MGAT4C: variants seen among roughly 807,000 people sequenced by gnomAD.
The protein encoded by MGAT4C is MGAT4 family member C.
Under a neutral mutation model 40.1 loss-of-function variants are expected in MGAT4C, and 19 were observed. That is an observed-to-expected ratio of 0.47 (90% CI 0.33 to 0.70). MGAT4C has a LOEUF of 0.70. MGAT4C is among the 30% of genes least tolerant of loss of function. The probability of loss-of-function intolerance (pLI) is 0.02; values close to 1 mark genes in which losing one functional copy is unlikely to be tolerated. For missense variants in MGAT4C, 491 were observed against 563.2 expected, an observed-to-expected ratio of 0.87 and a Z score of 1.30; for synonymous variants, 181 against 187.1, an observed-to-expected ratio of 0.97 and a Z score of 0.27.
chr12:86,299,065 T>C (rs2136137317), intron 4 of MGAT4C, among the ~76,000 whole-genome samples: 1 of 152,300 alleles, frequency 6.6e-6, no homozygotes, highest in Non-Finnish European at 1.5e-5. Flanking sequence ...GGAGTATAGT[T>C]AAAGAATCAG....
chr12:86,818,448 T>C (rs1051231992), intron 1 of MGAT4C, among the ~76,000 whole-genome samples: 1 of 151,140 alleles, frequency 6.6e-6, no homozygotes, highest in Non-Finnish European at 1.5e-5. Context: ...GATAAGGTAA[T>C]AGAAAATCAG....
chr12:86,211,406 CAAAA>C (rs58874795), intron 1 of MGAT4C, among the ~76,000 whole-genome samples: 4 of 35,514 alleles, frequency 1.1e-4, no homozygotes, highest in Admixed American at 4.3e-4. Flanking sequence ...ACTACAAATA[CAAAA>C]AAAAAAAAAA....
chr12:86,663,353 C>CA (rs58562873), intron 2 of MGAT4C, among the ~76,000 whole-genome samples: 3,129 of 44,272 alleles, frequency 0.071, 184 homozygotes, highest in African/African-American at 0.16. Flanking sequence ...TCCTCTGTCT[C>CA]AAAAAAAAAA....
chr12:86,521,826 G>A (rs1958800155), intron 2 of MGAT4C, among the ~76,000 whole-genome samples: 1 of 151,914 alleles, frequency 6.6e-6, no homozygotes, highest in Non-Finnish European at 1.5e-5. Flanking sequence ...CACCTCCTTG[G>A]TTAGCTGTAT....
At chr12:86,420,651 C>T (rs1040474648) in intron 3 of MGAT4C, among the ~76,000 whole-genome samples, 7 of 151,768 alleles carry the variant, frequency 4.6e-5, no homozygotes, top group African/African-American at 1.7e-4. Context: ...TGTATAACAA[C>T]TTGCATTCCA....
rs566905123 is a variant in MGAT4C, at chr12:86,039,309, A to T, written c.-7+10365T>A. On this transcript the variant is annotated intron_variant, in intron 2 of 4. Transcript: ENST00000611864. ...AGTTCTCCTGGATAATATCCTGAAG[A>T]GTGTTTTCCAACTGGGTTCCATTCT... Among the ~76,000 whole-genome samples, 21 of 152,230 alleles carry T rather than the reference A, an allele frequency of 1.4e-4. No individual in the cohort carries two copies. In the South Asian group the frequency reaches 4.3e-3, roughly 32 times the overall value.
At chr12:86,259,186 G>A (rs1321722653), upstream of MGAT4C, among the ~76,000 whole-genome samples, 1 of 151,798 alleles carries the variant, frequency 6.6e-6, no homozygotes, top group Non-Finnish European at 1.5e-5. Flanking sequence ...AAATTTTTTT[G>A]TGATTTTTTA....
intron 2 of MGAT4C, among the ~76,000 whole-genome samples, chr12:86,699,421 C>T (rs942665980): frequency 3.3e-5 from 5 of 152,018 alleles, no homozygotes; most frequent in African/African-American, 1.2e-4. Flanking sequence ...TGATGATAAA[C>T]CGATACATAA....
chr12:86,405,198 A>C (rs1956440185), intron 3 of MGAT4C, among the ~76,000 whole-genome samples: 1 of 152,052 alleles, frequency 6.6e-6, no homozygotes, highest in African/African-American at 2.4e-5. Flanking sequence ...AAATTAAGGG[A>C]GAAATAAAAC....
chr12:86,379,830 T>C (rs1955896351), intron 3 of MGAT4C, among the ~76,000 whole-genome samples: 1 of 152,102 alleles, frequency 6.6e-6, no homozygotes, highest in South Asian at 2.1e-4. Context: ...AATCCAAAAT[T>C]TTGTTTTATC....
chr12:86,435,957 T>C (rs1252525762), intron 2 of MGAT4C, among the ~76,000 whole-genome samples: 1 of 151,918 alleles, frequency 6.6e-6, no homozygotes, highest in East Asian at 1.9e-4. Context: ...CATATTCTTG[T>C]TATCAAATGA....
intron 2 of MGAT4C, among the ~76,000 whole-genome samples, chr12:86,653,682 T>C (rs1333430006): frequency 6.6e-6 from 1 of 151,958 alleles, no homozygotes; most frequent in Non-Finnish European, 1.5e-5. Context: ...ATAGTAATAC[T>C]TAGAAATCAT....
chr12:86,267,401 G>A (rs779181887), intron 4 of MGAT4C, among the ~76,000 whole-genome samples: 6 of 152,022 alleles, frequency 3.9e-5, no homozygotes, highest in Non-Finnish European at 8.8e-5. Context: ...GAAGACACCT[G>A]AAATTATACA....
chr12:86,618,613 G>A (rs909868581), intron 2 of MGAT4C, among the ~76,000 whole-genome samples: 2 of 152,140 alleles, frequency 1.3e-5, no homozygotes, highest in Non-Finnish European at 2.9e-5. Flanking sequence ...TCATACATGA[G>A]AGTTAAAAAA....
chr12:86,385,839 C>T (rs1457010613), intron 3 of MGAT4C, among the ~76,000 whole-genome samples: 1 of 152,208 alleles, frequency 6.6e-6, no homozygotes, highest in Admixed American at 6.5e-5. Flanking sequence ...TGTCTTCCAG[C>T]TGTGACTAAG....
At chr12:86,502,917 TCA>T (rs1491344827) in intron 2 of MGAT4C, among the ~76,000 whole-genome samples, 1 of 8,632 alleles carries the variant, frequency 1.2e-4, no homozygotes, top group African/African-American at 3.7e-4. Flanking sequence ...TGAGTTCTGC[TCA>T]TATATATATA....
At chr12:86,442,292 G>C (rs1370678433) in intron 2 of MGAT4C, among the ~76,000 whole-genome samples, 1 of 152,090 alleles carries the variant, frequency 6.6e-6, no homozygotes, top group East Asian at 1.9e-4. Flanking sequence ...CATTCTGTAG[G>C]TTGCCTGTTC....
intron 1 of MGAT4C, among the ~76,000 whole-genome samples, chr12:86,166,889 A>C (rs1886252859): frequency 6.6e-6 from 1 of 152,194 alleles, no homozygotes; most frequent in Non-Finnish European, 1.5e-5. Flanking sequence ...AACACGATAA[A>C]GTAAAAGACA....
chr12:86,360,499 G>A lies in MGAT4C; in HGVS notation c.-119-26372C>T, dbSNP rs184492549. Among the ~76,000 whole-genome samples the A allele has an allele frequency of 4.8e-4, 73 of 152,260 alleles. No homozygotes were observed. In the East Asian group the frequency reaches 5.8e-3, roughly 12 times the overall value. On this transcript the variant is annotated intron_variant, in intron 3 of 7. Transcript: ENST00000548651. ...AGATCTGGCCAGGACAGTCAGGCAG[G>A]AGAAAGAAATAAAGGGTATTCAATT... is the stretch of plus-strand genomic sequence containing the variant.
Sources: allele counts gnomAD v4.1 joint callset (sites outside exome capture counted in the v4.1 genomes callset), GRCh38; gene constraint gnomAD v4.1.1; transcripts MANE v1.5; gene names NCBI Gene and HGNC (gene_info 2026-07-23, HGNC 2026-07-21).